ABHD2: variants seen among roughly 807,000 people sequenced by gnomAD.
ABHD2 encodes the protein abhydrolase domain containing 2, acylglycerol lipase, also known as monoacylglycerol lipase ABHD2.
Under a neutral mutation model 48.1 loss-of-function variants are expected in ABHD2, and 20 were observed. The ratio of observed to expected loss-of-function variants is 0.42; its 90% CI spans 0.29 to 0.60. ABHD2 has a LOEUF of 0.60. ABHD2 is among the 20% of genes least tolerant of loss of function. ABHD2 has a pLI of 0.24. For missense variants in ABHD2, 405 were observed against 550.9 expected (o/e 0.74, Z 2.65); for synonymous variants, 209 against 214.2 (o/e 0.98, Z 0.21).
intron 3 of ABHD2, among the ~76,000 whole-genome samples, chr15:89,140,084 AAGAG>A (rs998188214): frequency 6.6e-6 from 1 of 152,150 alleles, no homozygotes; most frequent in African/African-American, 2.4e-5. Context: ...GTTTTGCAGA[AAGAG>A]AGGGGAGTCT....
Position 89,201,878 on chromosome 15 carries a change from A to C in ABHD2, c.*6455A>C. The C allele has an allele frequency of 1.4e-6, 1 of 691,428 alleles. No homozygotes were observed. Among genetic ancestry groups the C allele is most frequent in the Non-Finnish European group, 2.5e-6 (1 of 402,240 alleles). The allele number at this position is 691,428 out of a possible 1,614,324, so 42.8% of individuals were successfully genotyped here. On this transcript the variant is annotated 3_prime_UTR_variant, in exon 11 of 11. Coordinates refer to ENST00000352732, the MANE Select transcript of ABHD2 (RefSeq NM_152924.5). ...CGATGGCGAGAGGGGAGGGGGAGCG[A>C]GTTCGCATCTCTCCTTTTCCTGGTT...
intron 6 of ABHD2, among the ~76,000 whole-genome samples, chr15:89,180,889 T>TA (rs1377192526): frequency 1.3e-5 from 2 of 152,120 alleles, no homozygotes; most frequent in East Asian, 3.8e-4. Flanking sequence ...GCTTTTATTT[T>TA]AAAAAATCAA....
chr15:89,042,180 G>A, the ABHD2 span, among the ~76,000 whole-genome samples: 3 of 152,296 alleles, frequency 2.0e-5, no homozygotes, highest in African/African-American at 7.2e-5. Context: ...GAGGGGTTTT[G>A]TAACCTGCTG....
Position 89,195,781 on chromosome 15 carries a change from T to A in ABHD2, c.*358T>A. On this transcript the variant is annotated 3_prime_UTR_variant, in exon 11 of 11. Transcript: ENST00000352732. This position sits in a 1 kb window ranked among gnomAD's most constrained non-coding sequence, Gnocchi z 5.1. ...GCTTTGCCACCAAAAGGCTTTTCCC[T>A]GAGAACAGTGAAGGATGTATGTCAT... 1 of 221,652 alleles carries A rather than the reference T, an allele frequency of 4.5e-6. No homozygotes were observed. 13.7% of individuals were successfully genotyped at this position (221,652 alleles called of 1,614,324 possible). A position where few individuals can be genotyped will look rare whatever the true frequency, so the allele number is the denominator to read the frequency against.
rs1166587461 is a variant in ABHD2 at position 89,179,888 on chromosome 15, C to G, written c.722+3893C>G. Among the ~76,000 whole-genome samples the G allele has an allele frequency of 6.6e-6, 1 of 152,210 alleles. No individual in the cohort carries two copies. The highest frequency in any genetic ancestry group is 1.5e-5 in the Non-Finnish European group (1 of 68,028). The stretch of plus-strand genomic sequence containing the variant: ...CCTGAACATCCTAGCATTCTTTGAG[C>G]AAGGCCTTCCTGCCATGGGGAAGAG... On this transcript the variant is annotated intron_variant, in intron 6 of 10. Transcript: ENST00000352732. This position sits in a 1 kb window ranked among gnomAD's most constrained non-coding sequence, Gnocchi z 4.3.
At chr15:89,043,646 G>A in the ABHD2 span, among the ~76,000 whole-genome samples, 3 of 137,028 alleles carry the variant, frequency 2.2e-5, no homozygotes, top group Non-Finnish European at 4.8e-5. Context: ...GGAGGAGGAA[G>A]GAGAAGGAGG....
chr15:89,178,129 GC>G (rs2051046903), intron 6 of ABHD2, among the ~76,000 whole-genome samples: 1 of 152,200 alleles, frequency 6.6e-6, no homozygotes, highest in Non-Finnish European at 1.5e-5. Flanking sequence ...GCAACAAAGA[GC>G]AAGTTGCAAC....
chr15:89,169,144 G>C (rs995931113), intron 5 of ABHD2, among the ~76,000 whole-genome samples: 1 of 152,100 alleles, frequency 6.6e-6, no homozygotes, highest in Non-Finnish European at 1.5e-5. Context: ...GGGGGAGTAA[G>C]ATGTTTAATA....
At chr15:89,071,097 A>G in the ABHD2 span, among the ~76,000 whole-genome samples, 1 of 152,052 alleles carries the variant, frequency 6.6e-6, no homozygotes, top group South Asian at 2.1e-4. Context: ...TCAAGAGGTC[A>G]AAGAAGAGAC....
chr15:89,105,687 C>G (rs575937174), intron 1 of ABHD2, among the ~76,000 whole-genome samples: 1 of 152,228 alleles, frequency 6.6e-6, no homozygotes, highest in Non-Finnish European at 1.5e-5. Flanking sequence ...GGGCTTTATC[C>G]TTCCTTGTTA....
At chr15:89,043,847 A>G in the ABHD2 span, among the ~76,000 whole-genome samples, 18 of 151,310 alleles carry the variant, frequency 1.2e-4, no homozygotes, top group Non-Finnish European at 8.9e-5. Flanking sequence ...TTCATCTATG[A>G]GTTTTGTTCC....
the ABHD2 span, among the ~76,000 whole-genome samples, chr15:89,052,646 C>T: frequency 2.3e-4 from 35 of 151,806 alleles, no homozygotes; most frequent in Non-Finnish European, 1.2e-4. Flanking sequence ...TTCTACAAGC[C>T]AAGGAGCTCG....
chr15:89,139,160 G>A (rs754446111), intron 3 of ABHD2, among the ~76,000 whole-genome samples: 29 of 152,264 alleles, frequency 1.9e-4, no homozygotes, highest in Non-Finnish European at 2.4e-4. Context: ...GCAGTGAGCC[G>A]TAGTTGTACC....
At chr15:89,123,356 C>T (rs923133409) in intron 3 of ABHD2, among the ~76,000 whole-genome samples, 4 of 152,174 alleles carry the variant, frequency 2.6e-5, no homozygotes, top group Non-Finnish European at 5.9e-5. Context: ...ATGCTGTTCT[C>T]ATCATAATGT....
At chr15:89,133,592 C>T (rs1194252494) in intron 3 of ABHD2, among the ~76,000 whole-genome samples, 2 of 152,188 alleles carry the variant, frequency 1.3e-5, no homozygotes, top group Non-Finnish European at 2.9e-5. Flanking sequence ...ATTAGTCTTT[C>T]TTTGATTAAA....
upstream of ABHD2, among the ~76,000 whole-genome samples, chr15:89,084,072 A>G (rs984144122): frequency 2.0e-5 from 3 of 152,134 alleles, no homozygotes; most frequent in Admixed American, 6.5e-5. The surrounding 1 kb of genome is among the most constrained non-coding windows in gnomAD (Gnocchi z 4.4). Context: ...TCTTAGCCTC[A>G]TCCTTTCCAT....
At chr15:89,159,067 T>C (rs4932477) in intron 5 of ABHD2, among the ~76,000 whole-genome samples, 92,183 of 151,744 alleles carry the variant, frequency 0.61, 29,734 homozygotes, top group East Asian at 0.84. Flanking sequence ...CAGGGAGATG[T>C]GAGTGTCGTT....
rs976987583 is a variant in ABHD2, at chr15:89,151,238, G to T, written c.195-439G>T. Among the ~76,000 whole-genome samples the T allele has an allele frequency of 5.9e-5, 9 of 152,216 alleles. No individual in the cohort carries two copies. Among genetic ancestry groups the T allele is most frequent in the Non-Finnish European group, 1.3e-4 (9 of 68,038 alleles). ...GGCTAATGGAGTAACCACTACAGCT[G>T]TGGCCTGTCTCGTTAGGGAAAGAAG... On this transcript the variant is annotated intron_variant, in intron 3 of 10. Coordinates refer to ENST00000352732, the MANE Select transcript of ABHD2 (RefSeq NM_152924.5). The surrounding 1 kb of genome is among the most constrained non-coding windows in gnomAD (Gnocchi z 4.7).
chr15:89,115,366 AGGT>A (rs2049938113), intron 2 of ABHD2, among the ~76,000 whole-genome samples: 1 of 55,968 alleles, frequency 1.8e-5, no homozygotes, highest in African/African-American at 7.5e-5. Context: ...ATATGTTTGG[AGGT>A]ATGTGTGTGT....
Sources: gnomAD v4.1 joint callset for allele counts (sites outside exome capture counted in the v4.1 genomes callset) on GRCh38, gnomAD v4.1.1 for gene constraint, Gnocchi (gnomAD v3.1) non-coding constraint, MANE v1.5 for transcripts, NCBI Gene and HGNC (gene_info 2026-07-23, HGNC 2026-07-21) for gene names.